CCDC60: variants seen among roughly 807,000 people sequenced by gnomAD.
CCDC60 encodes the protein coiled-coil domain containing 60.
A neutral mutation model predicts 63.5 loss-of-function variants in CCDC60; 54 were observed. The observed-to-expected ratio is 0.85, with a 90% CI of 0.68 to 1.07. The LOEUF (loss-of-function observed/expected upper bound fraction) is 1.07. Among genes scored for constraint, CCDC60 ranks in the 50% least tolerant of loss-of-function variants. The probability of loss-of-function intolerance (pLI) is 0.00; values close to 1 mark genes in which losing one functional copy is unlikely to be tolerated. For synonymous variants in CCDC60, 206 were observed against 238.8 expected, an observed-to-expected ratio of 0.86 and a Z score of 1.27; for missense variants, 651 against 684.3, an observed-to-expected ratio of 0.95 and a Z score of 0.54.
intron 2 of CCDC60, among the ~76,000 whole-genome samples, chr12:119,469,598 A>G (rs1365662970): frequency 6.6e-6 from 1 of 152,170 alleles, no homozygotes; most frequent in Non-Finnish European, 1.5e-5. Context: ...AAAGAAAAAG[A>G]CTTTTCAGAC....
At chr12:119,473,768 CT>C (rs1353477058) in intron 3 of CCDC60, among the ~76,000 whole-genome samples, 1 of 152,184 alleles carries the variant, frequency 6.6e-6, no homozygotes, top group African/African-American at 2.4e-5. Flanking sequence ...ATCCAGATTG[CT>C]GAAAATGCCA....
At chr12:119,344,054 T>C (rs1251463855) in intron 1 of CCDC60, among the ~76,000 whole-genome samples, 2 of 152,060 alleles carry the variant, frequency 1.3e-5, no homozygotes, top group East Asian at 3.9e-4. Context: ...ATTGGAAATA[T>C]CTAGTGTGTT....
At chr12:119,386,573 G>T (rs927042476) in intron 1 of CCDC60, among the ~76,000 whole-genome samples, 2 of 151,968 alleles carry the variant, frequency 1.3e-5, no homozygotes, top group African/African-American at 4.8e-5. Context: ...CGCACCAAAG[G>T]TGCACATCTT....
intron 2 of CCDC60, among the ~76,000 whole-genome samples, chr12:119,444,992 T>C (rs947607581): frequency 6.6e-6 from 1 of 151,996 alleles, no homozygotes; most frequent in Non-Finnish European, 1.5e-5. Context: ...AACAGTGATG[T>C]GGAAGGCAAT....
rs1367903878 is a variant in CCDC60 at position 119,456,368 on chromosome 12, T to G, written c.171-15626T>G. On this transcript the variant is annotated intron_variant, in intron 2 of 13. Transcript: ENST00000327554. This position sits in a 1 kb window ranked among gnomAD's most constrained non-coding sequence, Gnocchi z 4.6. ...TAGGTTAAGGAAGAGAGTCAACTAATATTCAGAAAATAGAGTTGACATCAC... is the reference window on the plus strand; with the variant it reads ...TAGGTTAAGGAAGAGAGTCAACTAAGATTCAGAAAATAGAGTTGACATCAC... 3.3e-5 allele frequency among the ~76,000 whole-genome samples: 5 copies of G among 152,200 alleles called. No individual in the cohort carries two copies. The highest frequency in any genetic ancestry group is 1.2e-4 in the African/African-American group (5 of 41,440).
Position 119,345,503 on chromosome 12 carries a change from A to AAACT in CCDC60, c.90+10239_90+10240insCTAA, listed in dbSNP as rs1555230403. Among the ~76,000 whole-genome samples, 5 of 150,492 alleles carry AAACT rather than the reference A, an allele frequency of 3.3e-5. No individual in the cohort carries two copies. The East Asian group carries it at 1.0e-3, about 31-fold the overall frequency. ...GGTGACAGAGTGAGACTCCATCTCA[A>AAACT]AAATAAATAAATAAATAAATAAATA... On this transcript the variant is annotated intron_variant, in intron 1 of 13. Transcript: ENST00000327554.
In CCDC60 at chr12:119,479,190, C is replaced by T. The variant is rs1279207572; in HGVS notation, c.438C>T (p.Thr146=). ...IHSCIISPSL[T]EAHVEPLFRQ... Reference sequence around the variant, plus strand: ...GCTGCATCATTTCTCCCTCGCTAACCGAGGCTCACGTGTAAGTAGTCTCAC... The same window carrying T: ...GCTGCATCATTTCTCCCTCGCTAACTGAGGCTCACGTGTAAGTAGTCTCAC... Residue 146 remains threonine (T), a synonymous_variant, in exon 4 of 14, where the codon ACC becomes ACT. Transcript: ENST00000327554. 1.1e-5 allele frequency: 17 copies of T among 1,613,202 alleles called. No homozygotes were observed. Among genetic ancestry groups the T allele is most frequent in the South Asian group, 5.5e-5 (5 of 91,064 alleles).
chr12:119,476,791 T>C (rs927608504), intron 3 of CCDC60, among the ~76,000 whole-genome samples: 3 of 151,914 alleles, frequency 2.0e-5, no homozygotes, highest in Non-Finnish European at 4.4e-5. Flanking sequence ...CCAGCCACAC[T>C]CTCCTACTTT....
rs144227895 is a variant in CCDC60, at chr12:119,489,979, G to A, written c.557+1113G>A. 8.2e-4 allele frequency among the ~76,000 whole-genome samples: 125 copies of A among 152,144 alleles called. No individual in the cohort carries two copies. The East Asian group carries it at 0.02, about 24-fold the overall frequency. ...TGCCCAGCTAATTTTTGTATTTTTC[G>A]TAGAGACGGGGTTTCACCATGTTGG... On this transcript the variant is annotated intron_variant, in intron 5 of 13. Transcript: ENST00000327554.
intron 2 of CCDC60, among the ~76,000 whole-genome samples, chr12:119,470,147 T>G (rs976796609): frequency 2.6e-5 from 4 of 152,216 alleles, no homozygotes; most frequent in African/African-American, 4.8e-5. Flanking sequence ...ACACCTGATA[T>G]TCCATCCACT....
At chr12:119,534,014 C>T (rs1044830216) in intron 13 of CCDC60, among the ~76,000 whole-genome samples, 18 of 152,100 alleles carry the variant, frequency 1.2e-4, no homozygotes, top group African/African-American at 3.9e-4. Context: ...TTGGGGAGTA[C>T]GGCCATTTTC....
intron 3 of CCDC60, among the ~76,000 whole-genome samples, chr12:119,474,428 C>T (rs1951133507): frequency 6.6e-6 from 1 of 152,178 alleles, no homozygotes; most frequent in Non-Finnish European, 1.5e-5. Context: ...AAACAAGGGT[C>T]CTGTCAATGG....
chr12:119,507,600 A>ATTTT (rs1566050673), intron 7 of CCDC60, among the ~76,000 whole-genome samples: 4 of 21,664 alleles, frequency 1.8e-4, no homozygotes, highest in East Asian at 3.9e-3. Flanking sequence ...ACATATATAT[A>ATTTT]TATATATATA....
At chr12:119,521,498 G>C (rs1254134765) in intron 9 of CCDC60, among the ~76,000 whole-genome samples, 2 of 152,136 alleles carry the variant, frequency 1.3e-5, no homozygotes, top group Non-Finnish European at 2.9e-5. Context: ...CAGGACAAAG[G>C]AGAATTGACT....
Position 119,472,063 on chromosome 12 carries a change from A to G in CCDC60, c.240A>G (p.Lys80=). Residue 80 remains lysine (K), a synonymous_variant, in exon 3 of 14, where the codon AAA becomes AAG. Transcript: ENST00000327554. The stretch of plus-strand genomic sequence containing the variant: ...TTCTGAGGGAAGAGACTGCAAAGAA[A>G]AAGAAGCAACAACAACTTCAGAAAC... ...FAILREETAK[K]KKQQQLQKLK... is the part of the protein sequence containing the mutation. The G allele has an allele frequency of 1.9e-6, 3 of 1,614,184 alleles. No individual in the cohort carries two copies. The highest frequency in any genetic ancestry group is 2.5e-6 in the Non-Finnish European group (3 of 1,180,028).
chr12:119,384,691 C>A (rs1229144440), intron 1 of CCDC60, among the ~76,000 whole-genome samples: 1 of 152,190 alleles, frequency 6.6e-6, no homozygotes, highest in African/African-American at 2.4e-5. Flanking sequence ...AGGGGCTGGT[C>A]CTGGGAGAGC....
At chr12:119,485,256 G>A (rs972354430) in intron 4 of CCDC60, among the ~76,000 whole-genome samples, 1 of 152,272 alleles carries the variant, frequency 6.6e-6, no homozygotes, top group African/African-American at 2.4e-5. Flanking sequence ...GGCAAAGCTA[G>A]AAGTTTAACA....
intron 1 of CCDC60, among the ~76,000 whole-genome samples, chr12:119,340,769 G>A (rs1262785782): frequency 6.6e-6 from 1 of 152,128 alleles, no homozygotes; most frequent in East Asian, 1.9e-4. Flanking sequence ...GAGATAAATG[G>A]CGGGCTGTAG....
At chr12:119,467,975 T>TA in intron 2 of CCDC60, among the ~76,000 whole-genome samples, 1 of 152,176 alleles carries the variant, frequency 6.6e-6, no homozygotes, top group South Asian at 2.1e-4. Context: ...TTCCTAAACT[T>TA]AAATATAAAA....
Sources: gnomAD v4.1 joint callset for allele counts (sites outside exome capture counted in the v4.1 genomes callset) on GRCh38, gnomAD v4.1.1 for gene constraint, Gnocchi (gnomAD v3.1) non-coding constraint, MANE v1.5 for transcripts, NCBI Gene and HGNC (gene_info 2026-07-23, HGNC 2026-07-21) for gene names.